NPAS3: variants seen among roughly 807,000 people sequenced by gnomAD.
NPAS3 encodes the protein neuronal PAS domain protein 3.
In NPAS3, 14 loss-of-function variants were observed where a neutral mutation model predicts 73.1. The observed-to-expected ratio is 0.19, with a 90% CI of 0.13 to 0.30. NPAS3 has a LOEUF of 0.30. Among genes scored for constraint, NPAS3 ranks in the 10% least tolerant of loss-of-function variants. The pLI is 1.00. For missense variants in NPAS3, 1,096 were observed against 1,250.0 expected, an observed-to-expected ratio of 0.88 and a Z score of 1.86; for synonymous variants, 620 against 541.5, an observed-to-expected ratio of 1.14 and a Z score of -2.01.
At chr14:33,580,649 C>T (rs1035979836) in intron 5 of NPAS3, among the ~76,000 whole-genome samples, 2 of 152,212 alleles carry the variant, frequency 1.3e-5, no homozygotes, top group African/African-American at 2.4e-5. Flanking sequence ...ATAATCTTTA[C>T]GACTATAAAA....
At position 33,119,311 on chromosome 14, in the gene NPAS3, T is replaced by G. The variant is rs537061089; in HGVS notation, c.140+63317T>G. On this transcript the variant is annotated intron_variant, in intron 2 of 11. Coordinates refer to ENST00000356141, the Ensembl canonical transcript of NPAS3. ...CCACTGCCGTTATTTCTTAAAGGAG[T>G]TTAGATCAAATGATACGTAAGACAG... is the stretch of plus-strand genomic sequence containing the variant. Among the ~76,000 whole-genome samples, 11 of 152,006 alleles carry G rather than the reference T, an allele frequency of 7.2e-5. No homozygotes were observed. The South Asian group carries it at 2.3e-3, about 32-fold the overall frequency.
At chr14:33,796,213 C>T (rs965519839) in intron 10 of NPAS3, among the ~76,000 whole-genome samples, 2 of 152,228 alleles carry the variant, frequency 1.3e-5, no homozygotes, top group Non-Finnish European at 1.5e-5. Flanking sequence ...CTGCCCAGAA[C>T]CCTTGCACCC....
intron 4 of NPAS3, among the ~76,000 whole-genome samples, chr14:33,434,023 T>A (rs2139179908): frequency 6.6e-6 from 1 of 152,024 alleles, no homozygotes; most frequent in Non-Finnish European, 1.5e-5. Flanking sequence ...AAACCCCGTC[T>A]TTACTAAAAA....
chr14:33,692,827 C>A (rs2060268699), intron 6 of NPAS3, among the ~76,000 whole-genome samples: 2 of 115,332 alleles, frequency 1.7e-5, no homozygotes, highest in Admixed American at 1.0e-4. Flanking sequence ...TTTAAGTAGC[C>A]CAATGTCTTA....
chr14:33,798,930 C>A (rs572117043), intron 11 of NPAS3, among the ~76,000 whole-genome samples: 2 of 139,378 alleles, frequency 1.4e-5, no homozygotes, highest in East Asian at 4.3e-4. Flanking sequence ...TGCTTGAGTC[C>A]AGGAGTTTGA....
chr14:33,233,490 A>T (rs1387649432), intron 3 of NPAS3, among the ~76,000 whole-genome samples: 1 of 152,156 alleles, frequency 6.6e-6, no homozygotes, highest in Non-Finnish European at 1.5e-5. Context: ...ATTCATTTTA[A>T]TGTCACCGTT....
At chr14:33,489,569 A>G (rs1468732079) in intron 4 of NPAS3, among the ~76,000 whole-genome samples, 4 of 152,156 alleles carry the variant, frequency 2.6e-5, no homozygotes, top group Non-Finnish European at 5.9e-5. Flanking sequence ...AAGAATGTAA[A>G]CTTGTATTGT....
At chr14:33,019,992 C>A (rs1376958619) in intron 1 of NPAS3, among the ~76,000 whole-genome samples, 1 of 152,126 alleles carries the variant, frequency 6.6e-6, no homozygotes, top group African/African-American at 2.4e-5. Flanking sequence ...TGGAGAAGAA[C>A]AATAATTATT....
chr14:33,379,465 G>T (rs1436777892), intron 4 of NPAS3, among the ~76,000 whole-genome samples: 2 of 152,164 alleles, frequency 1.3e-5, no homozygotes. Context: ...GCAAATCTTT[G>T]CCAGATTACT....
chr14:33,501,687 C>A (rs947962554), intron 4 of NPAS3, among the ~76,000 whole-genome samples: 1 of 150,112 alleles, frequency 6.7e-6, no homozygotes, highest in Non-Finnish European at 1.5e-5. Flanking sequence ...AGGTTCATGA[C>A]TAGGGTGTTA....
At chr14:33,759,307 AG>A (rs1316445313) in intron 7 of NPAS3, among the ~76,000 whole-genome samples, 1 of 152,226 alleles carries the variant, frequency 6.6e-6, no homozygotes, top group African/African-American at 2.4e-5. Context: ...TGTTTTTGAA[AG>A]GGAAGCCTTT....
chr14:33,698,010 A>G (rs1037685388), intron 6 of NPAS3, among the ~76,000 whole-genome samples: 2 of 152,170 alleles, frequency 1.3e-5, no homozygotes, highest in African/African-American at 4.8e-5. Flanking sequence ...TTTCTTGTAT[A>G]CTTTCAATGC....
chr14:33,596,441 A>C (rs1359682864), intron 5 of NPAS3, among the ~76,000 whole-genome samples: 1 of 152,214 alleles, frequency 6.6e-6, no homozygotes, highest in Non-Finnish European at 1.5e-5. Context: ...CAGTCATCAT[A>C]AATTGAGAAA....
At chr14:33,096,353 T>C (rs959505584) in intron 2 of NPAS3, among the ~76,000 whole-genome samples, 1 of 152,304 alleles carries the variant, frequency 6.6e-6, no homozygotes, top group Admixed American at 6.5e-5. Flanking sequence ...GTGTATTTCA[T>C]GCTTCCACTT....
chr14:33,054,030 T>A (rs2040799836), intron 1 of NPAS3, among the ~76,000 whole-genome samples: 1 of 152,190 alleles, frequency 6.6e-6, no homozygotes, highest in Admixed American at 6.5e-5. Context: ...CCAATTCTTT[T>A]AAAAAATCTG....
intron 5 of NPAS3, among the ~76,000 whole-genome samples, chr14:33,567,333 A>G (rs1242746464): frequency 6.6e-6 from 1 of 152,248 alleles, no homozygotes; most frequent in Admixed American, 6.5e-5. Flanking sequence ...TCATGCGACA[A>G]AAACCCAACA....
intron 2 of NPAS3, among the ~76,000 whole-genome samples, chr14:33,081,651 A>C (rs1184258761): frequency 6.6e-6 from 1 of 152,206 alleles, no homozygotes; most frequent in African/African-American, 2.4e-5. Context: ...ATTCTTTTGC[A>C]TTCATAATTT....
chr14:33,191,508 T>C (rs1053495060), intron 2 of NPAS3, among the ~76,000 whole-genome samples: 6 of 152,218 alleles, frequency 3.9e-5, no homozygotes, highest in Non-Finnish European at 7.3e-5. Flanking sequence ...TCATAGGTCA[T>C]TGCCACATTG....
intron 5 of NPAS3, among the ~76,000 whole-genome samples, chr14:33,572,979 C>T (rs1011930479): frequency 4.1e-5 from 6 of 145,956 alleles, no homozygotes; most frequent in African/African-American, 1.0e-4. Context: ...GCCGAGATCA[C>T]GCCACTGCAC....
Sources: allele counts gnomAD v4.1 joint callset (sites outside exome capture counted in the v4.1 genomes callset), GRCh38; gene constraint gnomAD v4.1.1; transcripts MANE v1.5; gene names NCBI Gene and HGNC (gene_info 2026-07-23, HGNC 2026-07-21).